Variants in FAM120AOS observed in about 807,000 individuals in gnomAD.
The protein encoded by FAM120AOS is family with sequence similarity 120 member A opposite strand.
Under a neutral mutation model 20.2 loss-of-function variants are expected in FAM120AOS, and 15 were observed. That is an observed-to-expected ratio of 0.74 (90% CI 0.50 to 1.15). The LOEUF is 1.15. Among genes scored for constraint, FAM120AOS ranks in the 50% most tolerant of loss-of-function variants. FAM120AOS has a pLI of 0.00. For synonymous variants in FAM120AOS, 154 were observed against 154.0 expected (o/e 1.00, Z 0.00); for missense variants, 327 against 351.9 (o/e 0.93, Z 0.57).
At chr9:93,450,985 T>G in intron 1 of FAM120AOS, 1 of 1,521,028 alleles carries the variant, frequency 6.6e-7, no homozygotes, top group African/African-American at 1.4e-5. Flanking sequence ...GAGCAGGCGC[T>G]TAGGGCTACC....
chr9:93,451,633 T>G, intron 1 of FAM120AOS: 1 of 980,918 alleles, frequency 1.0e-6, no homozygotes, highest in Non-Finnish European at 1.2e-6. Context: ...GCGGGTCCGC[T>G]ACGTCAGCGC....
rs1195590240 is a variant in FAM120AOS at position 93,447,402 on chromosome 9, C to G, written c.*209G>C. Reference sequence around the variant, plus strand: ...GACTCTACTCTGACTTAGGACATATCACTTTCCTCTCTTGACCTTCACATT... The same window carrying G: ...GACTCTACTCTGACTTAGGACATATGACTTTCCTCTCTTGACCTTCACATT... On this transcript the variant is annotated 3_prime_UTR_variant, in exon 3 of 3. Transcript: ENST00000375412. 2 of 551,016 alleles carry G rather than the reference C, an allele frequency of 3.6e-6. No homozygotes were observed. Among genetic ancestry groups the G allele is most frequent in the Admixed American group, 3.1e-5 (1 of 32,322 alleles). The allele number at this position is 551,016 out of a possible 1,614,324, so 34.1% of individuals were successfully genotyped here.
In FAM120AOS at chr9:93,444,948, G is replaced by C. The variant is rs116172571; in HGVS notation, c.*2663C>G. The stretch of plus-strand genomic sequence containing the variant: ...TTTCTTAAGAGAATCTTTGTGAGAA[G>C]ATGTAGATATTGGCTTCATAATAAT... On this transcript the variant is annotated 3_prime_UTR_variant, in exon 3 of 3. Coordinates refer to ENST00000375412, the MANE Select transcript of FAM120AOS (RefSeq NM_198841.4). Among the ~76,000 whole-genome samples the C allele has an allele frequency of 4.6e-5, 7 of 152,158 alleles. No homozygotes were observed. The highest frequency in any genetic ancestry group is 4.6e-4 in the Admixed American group (7 of 15,270).
In FAM120AOS at chr9:93,444,230, G is replaced by A. The variant is rs899776901; in HGVS notation, c.*3381C>T. On this transcript the variant is annotated 3_prime_UTR_variant, in exon 3 of 3. Coordinates refer to ENST00000375412, the MANE Select transcript of FAM120AOS (RefSeq NM_198841.4). ...TAATTTTGTGTTTTTAGTAGAGACA[G>A]GGTTTCTCCATGTTGGTCAGGCTGG... 2.0e-5 allele frequency among the ~76,000 whole-genome samples: 3 copies of A among 152,082 alleles called. No individual in the cohort carries two copies. Among genetic ancestry groups the A allele is most frequent in the Admixed American group, 2.0e-4 (3 of 15,278 alleles).
Position 93,450,461 on chromosome 9 carries a change from C to A in FAM120AOS, c.684+18G>T. On this transcript the variant is annotated intron_variant, in intron 2 of 2. Coordinates refer to ENST00000375412, the MANE Select transcript of FAM120AOS (RefSeq NM_198841.4). ...TTGAGGTGGGTATCAGAAAAGAAAG[C>A]AGAAAAATCCAACTTGCCTTTTTCA... 1.9e-6 allele frequency: 3 copies of A among 1,547,566 alleles called. No individual in the cohort carries two copies. Among genetic ancestry groups the A allele is most frequent in the Non-Finnish European group, 1.7e-6 (2 of 1,149,796 alleles).
chr9:93,451,852 G>C, intron 1 of FAM120AOS: 1 of 887,790 alleles, frequency 1.1e-6, no homozygotes, highest in Non-Finnish European at 1.3e-6. Flanking sequence ...CGCGCGCCAC[G>C]GCCCCACCAC....
At position 93,443,825 on chromosome 9, in the gene FAM120AOS, T is replaced by C. The variant is rs1201025147; in HGVS notation, c.*3786A>G. ...ACTCCCTGGCACCCAGGGGGCCCCT[T>C]TTCCTCATCCTCTGGCTTAGAAAGA... is the stretch of plus-strand genomic sequence containing the variant. On this transcript the variant is annotated 3_prime_UTR_variant, in exon 3 of 3. Coordinates refer to ENST00000375412, the MANE Select transcript of FAM120AOS (RefSeq NM_198841.4). Among the ~76,000 whole-genome samples the C allele has an allele frequency of 1.3e-5, 2 of 152,152 alleles. No homozygotes were observed. Among genetic ancestry groups the C allele is most frequent in the African/African-American group, 2.4e-5 (1 of 41,426 alleles).
rs1371287307 is a variant in FAM120AOS, at chr9:93,447,514, G to T, written c.*97C>A. Reference sequence around the variant, plus strand: ...GAGAACTCTGAAACCAGAAGCAGAAGCTGAGGAATGGTGAATAGAGCATTT... The same window carrying T: ...GAGAACTCTGAAACCAGAAGCAGAATCTGAGGAATGGTGAATAGAGCATTT... On this transcript the variant is annotated 3_prime_UTR_variant, in exon 3 of 3. Coordinates refer to ENST00000375412, the MANE Select transcript of FAM120AOS (RefSeq NM_198841.4). 4.4e-5 allele frequency: 48 copies of T among 1,099,698 alleles called. No homozygotes were observed. In the South Asian group the frequency reaches 6.3e-4, roughly 15 times the overall value. 68.1% of individuals were successfully genotyped at this position (1,099,698 alleles called of 1,614,324 possible). A position where few individuals can be genotyped will look rare whatever the true frequency, so the allele number is the denominator to read the frequency against.
In FAM120AOS at chr9:93,444,886, T is replaced by G. The variant is rs903662353; in HGVS notation, c.*2725A>C. ...GCCTCGGCCTCCCAAAGTGCTGGGA[T>G]TACAGGAATGAGCCACTGCACCCGG... On this transcript the variant is annotated 3_prime_UTR_variant, in exon 3 of 3. Transcript: ENST00000375412. Among the ~76,000 whole-genome samples, 1 of 152,178 alleles carries G rather than the reference T, an allele frequency of 6.6e-6. No homozygotes were observed. The highest frequency in any genetic ancestry group is 1.5e-5 in the Non-Finnish European group (1 of 68,032).
intron 1 of FAM120AOS, chr9:93,451,595 C>G (rs1857203143): frequency 1.7e-5 from 17 of 983,138 alleles, no homozygotes; most frequent in Middle Eastern, 5.2e-4. Flanking sequence ...GCCTGCTAGC[C>G]GGCGGGCCTG....
chr9:93,450,844 T>G, intron 1 of FAM120AOS: 1 of 900,748 alleles, frequency 1.1e-6, no homozygotes, highest in Non-Finnish European at 1.8e-6. Flanking sequence ...AAGATTCAAA[T>G]CCCTCTCCCT....
intron 2 of FAM120AOS, among the ~76,000 whole-genome samples, chr9:93,450,181 G>A (rs1857055763): frequency 6.6e-6 from 1 of 151,956 alleles, no homozygotes; most frequent in Admixed American, 6.6e-5. Flanking sequence ...TAGAGACGGG[G>A]TTTCACCATG....
rs1306758105 is a variant in FAM120AOS, at chr9:93,444,565, T to G, written c.*3046A>C. 2.0e-5 allele frequency among the ~76,000 whole-genome samples: 3 copies of G among 152,004 alleles called. No individual in the cohort carries two copies. Among genetic ancestry groups the G allele is most frequent in the Non-Finnish European group, 4.4e-5 (3 of 67,996 alleles). Reference sequence around the variant, plus strand: ...ATTTGGCACAGGATTTCTAGACCTGTAGGTTACGGAAATGTCACAGTATGT... The same window carrying G: ...ATTTGGCACAGGATTTCTAGACCTGGAGGTTACGGAAATGTCACAGTATGT... On this transcript the variant is annotated 3_prime_UTR_variant, in exon 3 of 3. Coordinates refer to ENST00000375412, the MANE Select transcript of FAM120AOS (RefSeq NM_198841.4).
In FAM120AOS at chr9:93,453,250, G is replaced by C. The variant is rs1390073099; in HGVS notation, c.-541C>G. ...ACCTTCAGCGGTGCCCTGACGGGTGGGTAATCAGAGCTCTATATCACCGGC... is the reference window on the plus strand; with the variant it reads ...ACCTTCAGCGGTGCCCTGACGGGTGCGTAATCAGAGCTCTATATCACCGGC... On this transcript the variant is annotated 5_prime_UTR_variant, in exon 1 of 3. Coordinates refer to ENST00000375412, the MANE Select transcript of FAM120AOS (RefSeq NM_198841.4). 1 of 993,632 alleles carries C rather than the reference G, an allele frequency of 1.0e-6. No individual in the cohort carries two copies. The highest frequency in any genetic ancestry group is 1.2e-6 in the Non-Finnish European group (1 of 835,848). The allele number at this position is 993,632 out of a possible 1,614,324, so 61.6% of individuals were successfully genotyped here. A position where few individuals can be genotyped will look rare whatever the true frequency, so the allele number is the denominator to read the frequency against.
intron 1 of FAM120AOS, chr9:93,451,595 C>T (rs1857203143): frequency 7.1e-6 from 7 of 983,244 alleles, no homozygotes; most frequent in Non-Finnish European, 8.4e-6. Flanking sequence ...GCCTGCTAGC[C>T]GGCGGGCCTG....
Position 93,452,262 on chromosome 9 carries a change from G to T in FAM120AOS, c.448C>A (p.Arg150Ser). 3 of 1,591,146 alleles carry T rather than the reference G, an allele frequency of 1.9e-6. No individual in the cohort carries two copies. Among genetic ancestry groups the T allele is most frequent in the Non-Finnish European group, 1.7e-6 (2 of 1,172,086 alleles). The part of the protein sequence containing the change: ...TWLTICCAVW[R>S]SLPCRLTHSC... ...TGGGTCAAGCGGCAGGGCAACGAGC[G>T]CCAGACGGCACAGCAGATCGTCAGC... The change falls in exon 1 of 3, where the codon CGC (arginine) becomes AGC (serine). Residue 150 changes from arginine (R) to serine (S), a missense_variant. By Grantham distance (110) the Arg-to-Ser change is moderately radical. Coordinates refer to ENST00000375412, the MANE Select transcript of FAM120AOS (RefSeq NM_198841.4). The surrounding 1 kb of genome is among the most constrained non-coding windows in gnomAD (Gnocchi z 7.0).
chr9:93,447,463 A>G lies in FAM120AOS; in HGVS notation c.*148T>C. 1.4e-6 allele frequency: 1 copy of G among 717,208 alleles called. No homozygotes were observed. Among genetic ancestry groups the G allele is most frequent in the Admixed American group, 2.6e-5 (1 of 38,028 alleles). 44.4% of individuals were successfully genotyped at this position (717,208 alleles called of 1,614,324 possible). On this transcript the variant is annotated 3_prime_UTR_variant, in exon 3 of 3. Coordinates refer to ENST00000375412, the MANE Select transcript of FAM120AOS (RefSeq NM_198841.4). The stretch of plus-strand genomic sequence containing the variant: ...AATAAAAGTGGATAAAGACCACTCT[A>G]GCTTTAAAACACCCTCCAATATAGA...
chr9:93,450,268 C>T (rs567328835), intron 2 of FAM120AOS, among the ~76,000 whole-genome samples: 3 of 152,326 alleles, frequency 2.0e-5, no homozygotes, highest in South Asian at 2.1e-4. Context: ...GGATTACAGG[C>T]GTGAGCCACC....
chr9:93,450,997 G>C (rs1374978050), intron 1 of FAM120AOS: 2 of 1,535,044 alleles, frequency 1.3e-6, no homozygotes, highest in African/African-American at 2.7e-5. Context: ...AGGGCTACCT[G>C]TACCTTCAGA....
Sources: gnomAD v4.1 joint callset for allele counts (sites outside exome capture counted in the v4.1 genomes callset) on GRCh38, gnomAD v4.1.1 for gene constraint, Gnocchi (gnomAD v3.1) non-coding constraint, MANE v1.5 for transcripts, NCBI Gene and HGNC (gene_info 2026-07-23, HGNC 2026-07-21) for gene names.